Variants in FAAH2 observed in about 807,000 individuals in gnomAD.
FAAH2 encodes fatty-acid amide hydrolase 2.
FAAH2 carries 60 observed loss-of-function variants against 36.9 expected under a neutral mutation model. The ratio of observed to expected loss-of-function variants is 1.63; its 90% CI spans 1.32 to 2.02. The LOEUF is 2.02. FAAH2 is among the 30% of genes most tolerant of loss of function. The pLI, the probability that FAAH2 is intolerant of heterozygous loss-of-function variation, is 0.00. For missense variants in FAAH2, 689 were observed against 397.5 expected (o/e 1.73, Z -6.23); for synonymous variants, 214 against 143.8 (o/e 1.49, Z -3.49).
intron 5 of FAAH2, among the ~76,000 whole-genome samples, chrX:57,347,392 G>A: frequency 1.8e-5 from 2 of 111,051 alleles, no homozygotes; most frequent in African/African-American, 6.5e-5. Flanking sequence ...TTTTTGTAGT[G>A]AAATGTTTAA....
intron 3 of FAAH2, among the ~76,000 whole-genome samples, chrX:57,328,300 G>A (rs1401829092): frequency 8.9e-6 from 1 of 111,942 alleles, no homozygotes; most frequent in Non-Finnish European, 1.9e-5. Context: ...CCCACTTGAG[G>A]AGGCAGTCTG....
chrX:57,296,193 G>T (rs983984287), intron 2 of FAAH2, among the ~76,000 whole-genome samples: 2 of 112,088 alleles, frequency 1.8e-5, no homozygotes, highest in African/African-American at 6.5e-5. Context: ...CTAACTGGGA[G>T]GCACCCCTCA....
the FAAH2 span, among the ~76,000 whole-genome samples, chrX:57,154,779 A>T: frequency 9.2e-6 from 1 of 108,272 alleles, no homozygotes; most frequent in East Asian, 2.9e-4. Flanking sequence ...TTTTTTTTTA[A>T]TTTCTTCTCA....
intron 4 of FAAH2, among the ~76,000 whole-genome samples, chrX:57,340,143 C>G (rs12690371): frequency 2.7e-5 from 3 of 111,649 alleles, no homozygotes; most frequent in African/African-American, 9.8e-5. Context: ...TGTGTGAGTC[C>G]GAGCGTCCAA....
At chrX:57,274,482 T>A in the FAAH2 span, among the ~76,000 whole-genome samples, 1 of 112,006 alleles carries the variant, frequency 8.9e-6, no homozygotes, top group Non-Finnish European at 1.9e-5. Context: ...ATATTCCTGA[T>A]AAATATCGAT....
chrX:57,245,292 A>T, the FAAH2 span, among the ~76,000 whole-genome samples: 1 of 111,664 alleles, frequency 9.0e-6, no homozygotes, highest in Admixed American at 9.5e-5. Context: ...GGAGACTTTA[A>T]CACCCCATTG....
chrX:57,434,905 C>A (rs1319445658), intron 8 of FAAH2, among the ~76,000 whole-genome samples: 1 of 110,627 alleles, frequency 9.0e-6, no homozygotes, highest in African/African-American at 3.3e-5. Context: ...TGAAAGAAAC[C>A]CCATCAGACT....
chrX:57,466,148 C>CTATATATA lies in FAAH2; in HGVS notation c.1423+17431_1423+17432insATATATAT, dbSNP rs1346302535. Among the ~76,000 whole-genome samples the CTATATATA allele has an allele frequency of 1.1e-4, 9 of 78,525 alleles. No homozygotes were observed. The East Asian group carries it at 1.2e-3, about 11-fold the overall frequency. The allele number at this position is 78,525 out of a possible 115,157, so 68.2% of individuals were successfully genotyped here. ...GGATTATCTCTCTCTCTCTCTCTCT[C>CTATATATA]TCTCTCTCTATATATATATATATAT... On this transcript the variant is annotated intron_variant, in intron 10 of 10. Coordinates refer to ENST00000374900, the MANE Select transcript of FAAH2 (RefSeq NM_174912.4).
chrX:57,203,692 T>C, the FAAH2 span, among the ~76,000 whole-genome samples: 9 of 112,183 alleles, frequency 8.0e-5, no homozygotes, highest in Admixed American at 8.5e-4. Flanking sequence ...TATTTTTATC[T>C]ATTTTAATGG....
In FAAH2 at chrX:57,287,029, A is replaced by G. The variant is rs1303082669; in HGVS notation, c.192+12A>G. 2.6e-6 allele frequency: 3 copies of G among 1,165,017 alleles called. No individual in the cohort carries two copies. Among genetic ancestry groups the G allele is most frequent in the Middle Eastern group, 2.4e-4 (1 of 4,104 alleles). ...TCCGACAGAGAAAGGTGAGAATGCA[A>G]TTCAGAAGAGGCTGGAGGGACAGGT... On this transcript the variant is annotated intron_variant, in intron 1 of 10. Coordinates refer to ENST00000374900, the MANE Select transcript of FAAH2 (RefSeq NM_174912.4).
chrX:57,187,213 C>T, the FAAH2 span, among the ~76,000 whole-genome samples: 1 of 110,696 alleles, frequency 9.0e-6, no homozygotes, highest in Non-Finnish European at 1.9e-5. Flanking sequence ...ATTTTTTTTC[C>T]ATTTGTGTCC....
the FAAH2 span, chrX:57,137,297 G>A: frequency 3.9e-6 from 3 of 759,922 alleles, no homozygotes; most frequent in South Asian, 1.9e-4. Flanking sequence ...TGGCGAAGGA[G>A]GGTCAACAGG....
At chrX:57,172,582 G>A in the FAAH2 span, among the ~76,000 whole-genome samples, 2 of 112,515 alleles carry the variant, frequency 1.8e-5, no homozygotes, top group African/African-American at 6.4e-5. Flanking sequence ...GTAACCCGGG[G>A]TTCTTGCCTT....
intron 5 of FAAH2, among the ~76,000 whole-genome samples, chrX:57,368,789 T>TA (rs2054481950): frequency 9.0e-6 from 1 of 111,122 alleles, no homozygotes; most frequent in African/African-American, 3.3e-5. Flanking sequence ...GCATGGGTAT[T>TA]AATATAGGGA....
chrX:57,339,660 C>G (rs1258234006), intron 4 of FAAH2, among the ~76,000 whole-genome samples: 1 of 112,287 alleles, frequency 8.9e-6, no homozygotes, highest in African/African-American at 3.2e-5. Flanking sequence ...AGCTCAACAT[C>G]ACTGATCATT....
At position 57,422,641 on chromosome X, in the gene FAAH2, G is replaced by T. The variant is rs188850085; in HGVS notation, c.997-9277G>T. Among the ~76,000 whole-genome samples, 7 of 111,733 alleles carry T rather than the reference G, an allele frequency of 6.3e-5. No individual in the cohort carries two copies. In the Admixed American group the frequency reaches 6.7e-4, roughly 11 times the overall value. On this transcript the variant is annotated intron_variant, in intron 7 of 10. Coordinates refer to ENST00000374900, the MANE Select transcript of FAAH2 (RefSeq NM_174912.4). ...TCTTCTGCCTGTCCACTGAGCTCAG[G>T]TTCACTCCATTGTTCCTTCTCTTCT...
At chrX:57,363,555 T>G (rs1420159440) in intron 5 of FAAH2, among the ~76,000 whole-genome samples, 3 of 111,477 alleles carry the variant, frequency 2.7e-5, no homozygotes, top group Non-Finnish European at 5.7e-5. Context: ...ATGCCTTTTT[T>G]TCTTACTCTT....
chrX:57,323,779 A>G (rs1350213844), intron 3 of FAAH2, among the ~76,000 whole-genome samples: 4 of 98,001 alleles, frequency 4.1e-5, no homozygotes, highest in African/African-American at 1.5e-4. Context: ...ATTTTCTCCC[A>G]TTTTGTAGGT....
At chrX:57,470,945 G>A (rs1407814161) in intron 10 of FAAH2, among the ~76,000 whole-genome samples, 2 of 111,478 alleles carry the variant, frequency 1.8e-5, no homozygotes, top group Admixed American at 9.6e-5. Context: ...TTCAACACAC[G>A]CAAATCAATA....
Sources: allele counts gnomAD v4.1 joint callset (sites outside exome capture counted in the v4.1 genomes callset), GRCh38; gene constraint gnomAD v4.1.1; transcripts MANE v1.5; gene names NCBI Gene and HGNC (gene_info 2026-07-23, HGNC 2026-07-21).